PPP6R1: variants seen among roughly 807,000 people sequenced by gnomAD.
PPP6R1 encodes serine/threonine-protein phosphatase 6 regulatory subunit 1.
In PPP6R1, 39 loss-of-function variants were observed where a neutral mutation model predicts 104.6. That is an observed-to-expected ratio of 0.37 (90% CI 0.29 to 0.49). The LOEUF is 0.49. Among genes scored for constraint, PPP6R1 ranks in the 20% least tolerant of loss-of-function variants. The pLI is 0.98. For missense variants in PPP6R1, 1,181 were observed against 1,155.8 expected (o/e 1.02, Z -0.32); for synonymous variants, 549 against 479.0 (o/e 1.15, Z -1.91).
At chr19:55,240,669 G>A (rs1026908862) in intron 10 of PPP6R1, among the ~76,000 whole-genome samples, 8 of 146,472 alleles carry the variant, frequency 5.5e-5, no homozygotes, top group East Asian at 1.9e-4. Flanking sequence ...GCTCACACAC[G>A]CACGTGTGCG....
chr19:55,249,518 G>A (rs561699857), intron 1 of PPP6R1, among the ~76,000 whole-genome samples: 118 of 152,156 alleles, frequency 7.8e-4, no homozygotes, highest in Non-Finnish European at 1.5e-3. Flanking sequence ...TGGGATTACA[G>A]GCATGAGCCA....
At chr19:55,251,941 C>T (rs552329310) in intron 1 of PPP6R1, among the ~76,000 whole-genome samples, 1 of 152,160 alleles carries the variant, frequency 6.6e-6, no homozygotes, top group Non-Finnish European at 1.5e-5. Flanking sequence ...CAAGCACACA[C>T]ACACAGCCTC....
Position 55,246,979 on chromosome 19 carries a change from C to G in PPP6R1, c.125G>C (p.Arg42Pro). Reference protein sequence around the residue: ...DVLQECKVVNRKLLDFLLQPP... With the variant: ...DVLQECKVVNPKLLDFLLQPP... ...CTGCAGCAGGAAGTCCAGCAGCTTG[C>G]GGTTGACGACCTTGCACTCCTGCAG... Residue 42 changes from arginine (R) to proline (P), a missense_variant, in exon 2 of 24, where the codon CGC becomes CCC. Arg to Pro is a moderately radical substitution (Grantham distance 103). This residue lies in a region of PPP6R1 where 139 missense variants were observed against 200.1 expected (regional missense o/e 0.69). Transcript: ENST00000412770. 6.2e-7 allele frequency: 1 copy of G among 1,613,858 alleles called. No individual in the cohort carries two copies.
Position 55,242,216 on chromosome 19 carries a change from G to C in PPP6R1, c.795C>G (p.Ile265Met), listed in dbSNP as rs758163107. Reference sequence around the variant, plus strand: ...TCAGCAGCACCTGGATCCCACTGACGATGACAGACTGGCTCTGCTCCCCCT... The same window carrying C: ...TCAGCAGCACCTGGATCCCACTGACCATGACAGACTGGCTCTGCTCCCCCT... ...MFEGEQSQSVIVSGIQVLLTL... is the reference protein window; with the variant it reads ...MFEGEQSQSVMVSGIQVLLTL... Residue 265 changes from isoleucine (I) to methionine (M), a missense_variant, in exon 7 of 24, where the codon ATC becomes ATG. Coordinates refer to ENST00000412770, the MANE Select transcript of PPP6R1 (RefSeq NM_014931.4). 4 of 1,613,864 alleles carry C rather than the reference G, an allele frequency of 2.5e-6. No individual in the cohort carries two copies. The East Asian group carries it at 8.9e-5, about 36-fold the overall frequency.
intron 5 of PPP6R1, among the ~76,000 whole-genome samples, chr19:55,243,362 G>A (rs1406487381): frequency 7.0e-6 from 1 of 143,744 alleles, no homozygotes; most frequent in Non-Finnish European, 1.5e-5. Context: ...GCAGTGAGCC[G>A]AGATCGTGCC....
intron 1 of PPP6R1, among the ~76,000 whole-genome samples, chr19:55,256,100 G>T (rs907853278): frequency 1.3e-5 from 2 of 152,164 alleles, no homozygotes; most frequent in Non-Finnish European, 2.9e-5. Context: ...AATGGGCAGG[G>T]GGACCAGACA....
chr19:55,251,863 C>T (rs759208316), intron 1 of PPP6R1, among the ~76,000 whole-genome samples: 6 of 152,150 alleles, frequency 3.9e-5, no homozygotes, highest in Non-Finnish European at 7.3e-5. Context: ...AAGGGGCAAC[C>T]GCCAAATTTA....
chr19:55,232,158 T>A lies in PPP6R1; in HGVS notation c.2042A>T (p.Glu681Val). ...EDEEEEDEEE[E>V]EDEEGIGCAA... is the part of the protein sequence containing the mutation. The stretch of plus-strand genomic sequence containing the variant: ...ACAGCCAATGCCCTCCTCGTCTTCC[T>A]CCTCCTCCTCGTCCTCCTCTTCTTC... Residue 681 changes from glutamate (E) to valine (V), a missense_variant, in exon 18 of 24, where the codon GAG (glutamate) becomes GTG (valine). Around this residue, in one of 2 missense-constraint regions of PPP6R1, gnomAD observed 1,042 missense variants for 955.6 expected, o/e 1.09. Coordinates refer to ENST00000412770, the MANE Select transcript of PPP6R1 (RefSeq NM_014931.4). 1 of 1,576,256 alleles carries A rather than the reference T, an allele frequency of 6.3e-7. No individual in the cohort carries two copies. Among genetic ancestry groups the A allele is most frequent in the African/African-American group, 1.3e-5 (1 of 74,234 alleles).
intron 1 of PPP6R1, 150 bp from the exon 2 acceptor site, chr19:55,247,259 C>A: frequency 1.3e-6 from 1 of 778,906 alleles, no homozygotes; most frequent in Non-Finnish European, 2.1e-6. Context: ...CGGCCCCGCC[C>A]CGGGACTGCC....
intron 1 of PPP6R1, among the ~76,000 whole-genome samples, chr19:55,255,393 GA>G (rs1392369495): frequency 6.6e-6 from 1 of 152,192 alleles, no homozygotes; most frequent in East Asian, 1.9e-4. Flanking sequence ...TCCAAAGTCA[GA>G]AAAGCTTGCA....
At position 55,245,742 on chromosome 19, in the gene PPP6R1, C is replaced by A. The variant is rs1055258584; in HGVS notation, c.228-64G>T. On this transcript the variant is annotated intron_variant, in intron 2 of 23. Transcript: ENST00000412770. This position sits in a 1 kb window ranked among gnomAD's most constrained non-coding sequence, Gnocchi z 6.4. The stretch of plus-strand genomic sequence containing the variant: ...AGGCCGGGGGCAGGGGGCGGCAAGG[C>A]TCCACCCTCTTCTCTGCACCGGGCA... The A allele has an allele frequency of 8.3e-6, 11 of 1,329,228 alleles. No homozygotes were observed. Among genetic ancestry groups the A allele is most frequent in the Non-Finnish European group, 1.1e-5 (11 of 961,434 alleles). 82.3% of individuals were successfully genotyped at this position (1,329,228 alleles called of 1,614,324 possible).
At position 55,240,097 on chromosome 19, in the gene PPP6R1, C is replaced by A; in HGVS notation, c.1379G>T (p.Arg460Leu). ...TGTCAGGTGACCCATGTAGCCTTTCCGAGGGCCTCCCGCACACCTGGCAAG... is the reference window on the plus strand; with the variant it reads ...TGTCAGGTGACCCATGTAGCCTTTCAGAGGGCCTCCCGCACACCTGGCAAG... Reference protein sequence around the residue: ...NDRVQCAGGPRKGYMGHLTRV... With the variant: ...NDRVQCAGGPLKGYMGHLTRV... The change falls in exon 12 of 24, where the codon CGG (arginine) becomes CTG (leucine). Residue 460 changes from arginine (R) to leucine (L), a missense_variant. Physicochemically the swap from Arg to Leu is moderately radical, Grantham distance 102 (BLOSUM62 -2). Around this residue, in one of 2 missense-constraint regions of PPP6R1, gnomAD observed 1,042 missense variants for 955.6 expected, o/e 1.09. Coordinates refer to ENST00000412770, the MANE Select transcript of PPP6R1 (RefSeq NM_014931.4). 6.3e-7 allele frequency: 1 copy of A among 1,589,116 alleles called. No individual in the cohort carries two copies.
Position 55,240,953 on chromosome 19 carries a change from C to A in PPP6R1, c.1288G>T (p.Val430Leu). 6.2e-7 allele frequency: 1 copy of A among 1,606,140 alleles called. No individual in the cohort carries two copies. Among genetic ancestry groups the A allele is most frequent in the South Asian group, 1.1e-5 (1 of 88,892 alleles). Residue 430 changes from valine (V) to leucine (L), a missense_variant, in exon 10 of 24, where the codon GTG becomes TTG. Coordinates refer to ENST00000412770, the MANE Select transcript of PPP6R1 (RefSeq NM_014931.4). ...AGGGAGTCCCAGCTCACATGTTTCACAACAGGGTTTTGGATGGGCGTCTCA... is the reference window on the plus strand; with the variant it reads ...AGGGAGTCCCAGCTCACATGTTTCAAAACAGGGTTTTGGATGGGCGTCTCA... Reference protein sequence around the residue: ...SPETPIQNPVVKHLLQQCRLV... With the variant: ...SPETPIQNPVLKHLLQQCRLV...
chr19:55,242,998 A>G (rs529046806), intron 5 of PPP6R1, among the ~76,000 whole-genome samples: 258 of 152,290 alleles, frequency 1.7e-3, no homozygotes, highest in Middle Eastern at 6.8e-3. Context: ...GCCGGGGGCT[A>G]AGAAGAGAAA....
At chr19:55,228,341 C>A (rs1195330305), downstream of PPP6R1, 1 of 1,613,790 alleles carries the variant, frequency 6.2e-7, no homozygotes, top group Non-Finnish European at 8.5e-7. Flanking sequence ...TTGACCAGGG[C>A]AGCGAACCAG....
intron 1 of PPP6R1, chr19:55,247,430 G>A: frequency 5.3e-6 from 2 of 378,086 alleles, no homozygotes; most frequent in Non-Finnish European, 9.9e-6. Context: ...CAGGCCTGGT[G>A]AAGTCCCCAG....
Position 55,236,649 on chromosome 19 carries a change from C to T in PPP6R1, c.1982G>A (p.Gly661Asp). 1 of 1,559,036 alleles carries T rather than the reference C, an allele frequency of 6.4e-7. No individual in the cohort carries two copies. Among genetic ancestry groups the T allele is most frequent in the Non-Finnish European group, 8.6e-7 (1 of 1,157,144 alleles). Residue 661 changes from glycine (G) to aspartate (D), a missense_variant, in exon 17 of 24, where the codon GGT becomes GAT. By Grantham distance (94) the Gly-to-Asp change is moderately conservative (BLOSUM62 -1). Around this residue, in one of 2 missense-constraint regions of PPP6R1, gnomAD observed 1,042 missense variants for 955.6 expected, o/e 1.09. Coordinates refer to ENST00000412770, the MANE Select transcript of PPP6R1 (RefSeq NM_014931.4). ...ARGARLGQPP[G>D]VRSGGSTDSE... is the part of the protein sequence containing the mutation. ...AAACTGGAGGGGGACTCACCGGACACCAGGTGGCTGGCCCAGACGGGCCCC... is the reference window on the plus strand; with the variant it reads ...AAACTGGAGGGGGACTCACCGGACATCAGGTGGCTGGCCCAGACGGGCCCC...
intron 17 of PPP6R1, among the ~76,000 whole-genome samples, chr19:55,234,366 A>T (rs2087375960): frequency 6.6e-6 from 1 of 152,230 alleles, no homozygotes; most frequent in Admixed American, 6.5e-5. Context: ...ACTCATACAT[A>T]TGGTCAAATA....
chr19:55,231,001 C>CCCCGT, intron 21 of PPP6R1, 117 bp from the exon 22 acceptor site: 1 of 862,482 alleles, frequency 1.2e-6, no homozygotes, highest in Non-Finnish European at 1.8e-6. Flanking sequence ...ACCTGCCCCA[C>CCCCGT]GGGGAGGGGC....
Sources: gnomAD v4.1 joint callset for allele counts (sites outside exome capture counted in the v4.1 genomes callset) on GRCh38, gnomAD v4.1.1 for gene constraint, gnomAD v4.1.1 regional missense constraint, Gnocchi (gnomAD v3.1) non-coding constraint, MANE v1.5 for transcripts, NCBI Gene and HGNC (gene_info 2026-07-23, HGNC 2026-07-21) for gene names.